Variants in MCFD2 observed in about 807,000 individuals in gnomAD.
MCFD2 encodes the protein multiple coagulation factor deficiency 2, ER cargo receptor complex subunit.
MCFD2 carries 11 observed loss-of-function variants against 12.8 expected under a neutral mutation model. That is an observed-to-expected ratio of 0.86 (90% confidence interval 0.54 to 1.42). The LOEUF is 1.42. Among genes scored for constraint, MCFD2 ranks in the 40% most tolerant of loss-of-function variants. The probability of loss-of-function intolerance (pLI) is 0.00; values close to 1 mark genes in which losing one functional copy is unlikely to be tolerated. For synonymous variants in MCFD2, 70 were observed against 68.1 expected, an observed-to-expected ratio of 1.03 and a Z score of -0.14; for missense variants, 191 against 178.6, an observed-to-expected ratio of 1.07 and a Z score of -0.40.
upstream of MCFD2, among the ~76,000 whole-genome samples, chr2:46,919,665 T>C (rs1668996744): frequency 6.6e-6 from 1 of 152,242 alleles, no homozygotes; most frequent in Non-Finnish European, 1.5e-5. Context: ...AGTCTCTTGC[T>C]GTTGGGCCCT....
chr2:46,931,247 T>TAAA, intron 1 of MCFD2, among the ~76,000 whole-genome samples: 1 of 152,290 alleles, frequency 6.6e-6, no homozygotes, highest in South Asian at 2.1e-4. Context: ...CCTAGCTAAT[T>TAAA]AAAAAAAATT....
intron 1 of MCFD2, among the ~76,000 whole-genome samples, chr2:46,930,803 A>T (rs182476099): frequency 6.6e-6 from 1 of 152,176 alleles, no homozygotes; most frequent in Non-Finnish European, 1.5e-5. Context: ...CCCAGCCTGA[A>T]GTCCTATAAT....
chr2:46,905,990 A>C, intron 3 of MCFD2: 1 of 472,862 alleles, frequency 2.1e-6, no homozygotes, highest in South Asian at 1.5e-5. Flanking sequence ...TGCCTGATAA[A>C]ATAGAAACAG....
At chr2:46,928,713 T>G (rs903606236) in intron 1 of MCFD2, among the ~76,000 whole-genome samples, 1 of 151,628 alleles carries the variant, frequency 6.6e-6, no homozygotes, top group Admixed American at 6.6e-5. Context: ...GAGGCTGCAG[T>G]GAGCTGTGAT....
chr2:46,915,806 G>GGGGGGGGGC, upstream of MCFD2: 1 of 512,582 alleles, frequency 2.0e-6, no homozygotes, highest in Non-Finnish European at 2.1e-6. Context: ...CCTCGGCTTC[G>GGGGGGGGGC]CCCCGCCCCC....
Position 46,937,541 on chromosome 2 carries a change from G to A in MCFD2, c.-8+4031C>T, listed in dbSNP as rs1456296705. Among the ~76,000 whole-genome samples the A allele has an allele frequency of 1.3e-5, 2 of 152,222 alleles. No individual in the cohort carries two copies. The highest frequency in any genetic ancestry group is 2.9e-5 in the Non-Finnish European group (2 of 68,048). ...TTTATAGCAATTCATTTATATGCCAGTAGGGGCCTCAGAAGCAAAACATTG... is the reference window on the plus strand; with the variant it reads ...TTTATAGCAATTCATTTATATGCCAATAGGGGCCTCAGAAGCAAAACATTG... On this transcript the variant is annotated intron_variant, in intron 1 of 2. Transcript: ENST00000409147. This position sits in a 1 kb window ranked among gnomAD's most constrained non-coding sequence, Gnocchi z 4.0.
intron 1 of MCFD2, among the ~76,000 whole-genome samples, chr2:46,912,153 T>C (rs1470163740): frequency 6.6e-6 from 1 of 151,924 alleles, no homozygotes; most frequent in African/African-American, 2.4e-5. Context: ...CTGGCCAATG[T>C]GGCAAAATGC....
chr2:46,933,959 G>A (rs1342505072), intron 1 of MCFD2, among the ~76,000 whole-genome samples: 1 of 152,156 alleles, frequency 6.6e-6, no homozygotes, highest in Non-Finnish European at 1.5e-5. Context: ...CATCTCATTA[G>A]GCTTGGTGCT....
rs912947504 is a variant in MCFD2, at chr2:46,907,325, G to C, written c.309+485C>G. 1.1e-5 allele frequency: 2 copies of C among 184,932 alleles called. No homozygotes were observed. The highest frequency in any genetic ancestry group is 4.8e-5 in the African/African-American group (2 of 41,958). The allele number at this position is 184,932 out of a possible 1,614,324, so 11.5% of individuals were successfully genotyped here. On this transcript the variant is annotated intron_variant, in intron 3 of 3. Transcript: ENST00000319466. The surrounding 1 kb of genome is among the most constrained non-coding windows in gnomAD (Gnocchi z 4.1). ...CAAGTTATCCTTTGCGGGAAGGATC[G>C]TTGGACAGAAAGAGGCAGAACACAG... is the stretch of plus-strand genomic sequence containing the variant.
Position 46,941,699 on chromosome 2 carries a change from G to C in MCFD2, c.-135C>G, listed in dbSNP as rs117017326. 1,386 of 1,550,884 alleles carry C rather than the reference G, an allele frequency of 8.9e-4. 27 individuals carry two copies. The East Asian group carries it at 0.022, about 24-fold the overall frequency. ...GGAGGTAACAGGCGAGGCAGCCCGAGCGCAGCGTTCACCTTTCCGGACACC... is the reference window on the plus strand; with the variant it reads ...GGAGGTAACAGGCGAGGCAGCCCGACCGCAGCGTTCACCTTTCCGGACACC... On this transcript the variant is annotated 5_prime_UTR_variant, in exon 1 of 3. Transcript: ENST00000409147. This position sits in a 1 kb window ranked among gnomAD's most constrained non-coding sequence, Gnocchi z 4.2.
At chr2:46,923,080 C>T (rs1163129402) in intron 1 of MCFD2, among the ~76,000 whole-genome samples, 1 of 152,190 alleles carries the variant, frequency 6.6e-6, no homozygotes, top group African/African-American at 2.4e-5. Context: ...TGCTTCTGTC[C>T]CCATGGAGTT....
chr2:46,925,959 G>C (rs142328125), intron 1 of MCFD2, among the ~76,000 whole-genome samples: 1 of 152,288 alleles, frequency 6.6e-6, no homozygotes, highest in Non-Finnish European at 1.5e-5. Flanking sequence ...ATTTTTTGGA[G>C]GTCTGGGTAT....
At chr2:46,917,407 G>A (rs1468942459), upstream of MCFD2, 5 of 560,528 alleles carry the variant, frequency 8.9e-6, no homozygotes, top group Non-Finnish European at 1.6e-5. Context: ...CCCTGCATCT[G>A]CCATTCATCC....
At chr2:46,924,057 T>C (rs1371982425) in intron 1 of MCFD2, among the ~76,000 whole-genome samples, 1 of 151,742 alleles carries the variant, frequency 6.6e-6, no homozygotes, top group Non-Finnish European at 1.5e-5. Flanking sequence ...TTTTAAAAAA[T>C]AGCCAGGCGT....
At chr2:46,918,575 A>G (rs150737904), upstream of MCFD2, among the ~76,000 whole-genome samples, 27 of 152,356 alleles carry the variant, frequency 1.8e-4, no homozygotes, top group Middle Eastern at 3.4e-3. Context: ...GGATGCTAAA[A>G]ACAAGACACT....
chr2:46,930,497 AT>A (rs575100979), intron 1 of MCFD2, among the ~76,000 whole-genome samples: 18,047 of 131,694 alleles, frequency 0.14, 1,224 homozygotes, highest in African/African-American at 0.18. Context: ...AAGTCCTATA[AT>A]TTTTTTTTTT....
At chr2:46,905,693 A>G in intron 3 of MCFD2, 99 bp from the exon 4 acceptor site, 1 of 625,192 alleles carries the variant, frequency 1.6e-6, no homozygotes, top group Non-Finnish European at 2.6e-6. Context: ...GGCACTGTTT[A>G]TTAAAAAAAA....
intron 1 of MCFD2, among the ~76,000 whole-genome samples, chr2:46,909,849 A>G (rs1668411318): frequency 6.6e-6 from 1 of 152,220 alleles, no homozygotes; most frequent in Non-Finnish European, 1.5e-5. Flanking sequence ...CATCTCCTGC[A>G]GAGAAAGACA....
chr2:46,939,701 A>C (rs1002399240), intron 1 of MCFD2, among the ~76,000 whole-genome samples: 9 of 152,292 alleles, frequency 5.9e-5, no homozygotes, highest in Admixed American at 5.9e-4. Context: ...GACTCCCAGG[A>C]ATGCCAGGCG....
Sources: allele counts gnomAD v4.1 joint callset (sites outside exome capture counted in the v4.1 genomes callset), GRCh38; gene constraint gnomAD v4.1.1; non-coding constraint Gnocchi (gnomAD v3.1); transcripts MANE v1.5; gene names NCBI Gene and HGNC (gene_info 2026-07-23, HGNC 2026-07-21).